Variants in PFDN1 observed in about 807,000 individuals in gnomAD.
PFDN1 encodes prefoldin 1.
Under a neutral mutation model 17.3 loss-of-function variants are expected in PFDN1, and 6 were observed. The ratio of observed to expected loss-of-function variants is 0.35; its 90% confidence interval spans 0.19 to 0.69. The LOEUF (loss-of-function observed/expected upper bound fraction) is 0.69, where lower values mean the gene tolerates loss of function less well. Among genes scored for constraint, PFDN1 ranks in the 30% least tolerant of loss-of-function variants. The pLI is 0.65. For missense variants in PFDN1, 113 were observed against 146.2 expected, an observed-to-expected ratio of 0.77 and a Z score of 1.17; for synonymous variants, 58 against 50.1, an observed-to-expected ratio of 1.16 and a Z score of -0.67.
At chr5:140,299,540 T>G (rs1357624300) in intron 2 of PFDN1, among the ~76,000 whole-genome samples, 4 of 149,268 alleles carry the variant, frequency 2.7e-5, no homozygotes, top group African/African-American at 9.9e-5. Context: ...GAGGTTGCAG[T>G]GAGCCAGAAT....
At chr5:140,288,137 C>T (rs187586930) in intron 2 of PFDN1, among the ~76,000 whole-genome samples, 3 of 152,304 alleles carry the variant, frequency 2.0e-5, no homozygotes, top group Admixed American at 1.3e-4. Context: ...CATTTGTAAC[C>T]GCCAAAACTT....
At chr5:140,280,014 C>CAAAAAAAAAAAAAAAAAAAAAAA (rs5871731) in intron 3 of PFDN1, among the ~76,000 whole-genome samples, 4 of 99,110 alleles carry the variant, frequency 4.0e-5, no homozygotes, top group African/African-American at 1.5e-4. Flanking sequence ...AAAAAAAAAA[C>CAAAAAAAAAAAAAAAAAAAAAAA]AAAAAAAGAA....
intron 3 of PFDN1, among the ~76,000 whole-genome samples, chr5:140,248,828 A>G (rs1434193739): frequency 1.3e-5 from 2 of 152,222 alleles, no homozygotes; most frequent in African/African-American, 4.8e-5. Context: ...AATGATGCAA[A>G]TTAACATATC....
intron 3 of PFDN1, among the ~76,000 whole-genome samples, chr5:140,275,426 A>G (rs1765276020): frequency 6.8e-6 from 1 of 147,152 alleles, no homozygotes; most frequent in Admixed American, 6.8e-5. Context: ...AAAAAAAAAG[A>G]CAGTGCTTGT....
chr5:140,286,926 TA>T (rs1381348620), intron 2 of PFDN1, among the ~76,000 whole-genome samples: 1 of 152,092 alleles, frequency 6.6e-6, no homozygotes, highest in Non-Finnish European at 1.5e-5. Flanking sequence ...TCTAAGTATG[TA>T]AAAAATTACC....
chr5:140,246,692 A>T (rs1261805816), intron 3 of PFDN1, among the ~76,000 whole-genome samples: 2 of 152,220 alleles, frequency 1.3e-5, no homozygotes, highest in African/African-American at 4.8e-5. Context: ...GTCCTAAATT[A>T]AAAATCTCGG....
At chr5:140,285,347 C>CAA (rs59589577) in intron 2 of PFDN1, among the ~76,000 whole-genome samples, 42 of 88,912 alleles carry the variant, frequency 4.7e-4, no homozygotes, top group African/African-American at 1.5e-3. Flanking sequence ...GACTCCATCT[C>CAA]AAAAAAAAAA....
chr5:140,250,499 T>C (rs1764897529), intron 3 of PFDN1, among the ~76,000 whole-genome samples: 1 of 152,202 alleles, frequency 6.6e-6, no homozygotes, highest in Non-Finnish European at 1.5e-5. Context: ...TCACCTTGAC[T>C]CTTCTCCAGA....
chr5:140,276,328 G>A (rs866193854), intron 3 of PFDN1, among the ~76,000 whole-genome samples: 5 of 152,172 alleles, frequency 3.3e-5, no homozygotes, highest in Middle Eastern at 3.2e-3. Flanking sequence ...GCTAACTTAA[G>A]ACTGAGGAAT....
chr5:140,261,367 G>A (rs1180905176), intron 3 of PFDN1, among the ~76,000 whole-genome samples: 1 of 152,116 alleles, frequency 6.6e-6, no homozygotes, highest in Non-Finnish European at 1.5e-5. Context: ...GTAAGCAAAA[G>A]CACTAAGCAT....
intron 3 of PFDN1, among the ~76,000 whole-genome samples, chr5:140,258,720 G>T (rs1247898391): frequency 1.3e-5 from 2 of 152,172 alleles, no homozygotes; most frequent in Admixed American, 1.3e-4. Context: ...GTTGGGGCTT[G>T]CATACTGGCT....
intron 3 of PFDN1, among the ~76,000 whole-genome samples, chr5:140,261,161 C>CAAA (rs773165928): frequency 6.3e-5 from 3 of 47,998 alleles, no homozygotes; most frequent in African/African-American, 8.5e-5. Context: ...GACTCCATCT[C>CAAA]AAAAAAAAAA....
chr5:140,297,315 G>T (rs766697679), intron 2 of PFDN1, among the ~76,000 whole-genome samples: 1 of 152,110 alleles, frequency 6.6e-6, no homozygotes, highest in Non-Finnish European at 1.5e-5. Flanking sequence ...TTAAAGAAGT[G>T]AATCACAATG....
At chr5:140,269,732 T>C (rs866171182) in intron 3 of PFDN1, among the ~76,000 whole-genome samples, 22 of 152,308 alleles carry the variant, frequency 1.4e-4, no homozygotes, top group Non-Finnish European at 2.1e-4. Context: ...AAATGGAAAC[T>C]CAGAAAAAGA....
intron 3 of PFDN1, among the ~76,000 whole-genome samples, chr5:140,255,577 T>C (rs1317591382): frequency 6.6e-6 from 1 of 152,102 alleles, no homozygotes; most frequent in Non-Finnish European, 1.5e-5. Flanking sequence ...AGGTTGAGAC[T>C]GCATGCAGTG....
rs184716832 is a variant in PFDN1 at position 140,251,995 on chromosome 5, T to C, written c.286-5938A>G. On this transcript the variant is annotated intron_variant, in intron 3 of 3. Transcript: ENST00000261813. ...CTCTCCTTCTCTAAATTAGTTTTTT[T>C]TTTCTTTCTTTCTTTCTTTCCTGTT... Among the ~76,000 whole-genome samples the C allele has an allele frequency of 3.9e-3, 585 of 150,500 alleles. 8 individuals are homozygous for C. In the East Asian group the frequency reaches 0.04, roughly 10 times the overall value.
intron 2 of PFDN1, among the ~76,000 whole-genome samples, chr5:140,299,575 A>G (rs1765708931): frequency 6.6e-6 from 1 of 151,370 alleles, no homozygotes. Flanking sequence ...CTAGCCTGGC[A>G]ACAGAGCGAG....
chr5:140,269,880 A>G (rs1765182216), intron 3 of PFDN1, among the ~76,000 whole-genome samples: 1 of 152,222 alleles, frequency 6.6e-6, no homozygotes, highest in African/African-American at 2.4e-5. Context: ...CTAAATTAAC[A>G]TAAGGCTTTT....
chr5:140,299,706 TA>T (rs1350091162), intron 2 of PFDN1, among the ~76,000 whole-genome samples: 2 of 152,064 alleles, frequency 1.3e-5, no homozygotes, highest in Non-Finnish European at 2.9e-5. Context: ...AGATAATCTT[TA>T]AAGTTATTTC....
Sources: allele counts gnomAD v4.1 joint callset (sites outside exome capture counted in the v4.1 genomes callset), GRCh38; gene constraint gnomAD v4.1.1; transcripts MANE v1.5; gene names NCBI Gene and HGNC (gene_info 2026-07-23, HGNC 2026-07-21).